Variants in NBEA observed in about 807,000 individuals in gnomAD.
NBEA encodes the protein neurobeachin.
In NBEA, 44 loss-of-function variants were observed where a neutral mutation model predicts 343.4. That is an observed-to-expected ratio of 0.13 (90% CI 0.10 to 0.16). The LOEUF is 0.16. NBEA is among the 10% of genes least tolerant of loss of function. The pLI is 1.00. For synonymous variants in NBEA, 1,175 were observed against 1,238.7 expected (o/e 0.95, Z 1.08); for missense variants, 2,555 against 3,631.3 (o/e 0.70, Z 7.62).
chr13:35,273,022 C>T (rs2034289413), intron 34 of NBEA, among the ~76,000 whole-genome samples: 1 of 152,156 alleles, frequency 6.6e-6, no homozygotes, highest in Non-Finnish European at 1.5e-5. Flanking sequence ...AGCTACAGAA[C>T]TCTCCACCCC....
intron 45 of NBEA, among the ~76,000 whole-genome samples, chr13:35,579,319 A>G (rs1233798411): frequency 6.6e-6 from 1 of 152,036 alleles, no homozygotes; most frequent in Non-Finnish European, 1.5e-5. Context: ...TCAGACTTTT[A>G]TGTTCTCTAA....
intron 30 of NBEA, among the ~76,000 whole-genome samples, chr13:35,186,190 G>C (rs563499238): frequency 3.9e-5 from 6 of 152,216 alleles, no homozygotes; most frequent in Admixed American, 3.3e-4. Flanking sequence ...TGTAGTCCCA[G>C]CTACTCAGGA....
At chr13:35,471,929 C>T (rs915434629) in intron 40 of NBEA, among the ~76,000 whole-genome samples, 3 of 152,238 alleles carry the variant, frequency 2.0e-5, no homozygotes, top group African/African-American at 7.2e-5. Context: ...CGGAATTTAT[C>T]ATTTAGATCC....
At chr13:35,087,520 C>T (rs1021062409) in intron 10 of NBEA, among the ~76,000 whole-genome samples, 48 of 151,634 alleles carry the variant, frequency 3.2e-4, no homozygotes, top group African/African-American at 8.5e-4. Context: ...ATAATAGTTA[C>T]GGCAGAAGGA....
chr13:34,996,723 A>G (rs973108170), intron 1 of NBEA, among the ~76,000 whole-genome samples: 2 of 152,064 alleles, frequency 1.3e-5, no homozygotes, highest in Non-Finnish European at 2.9e-5. Flanking sequence ...TGAGTTGTAC[A>G]TTACCAGATT....
At chr13:35,309,866 G>C (rs2037237395) in intron 36 of NBEA, among the ~76,000 whole-genome samples, 1 of 152,144 alleles carries the variant, frequency 6.6e-6, no homozygotes, top group Admixed American at 6.6e-5. Context: ...GTTTTACACA[G>C]ATCAAGTGAA....
rs113544393 is a variant in NBEA, at chr13:35,034,594, A to G, written c.295-6339A>G. 8.8e-3 allele frequency among the ~76,000 whole-genome samples: 1,329 copies of G among 151,662 alleles called. 22 individuals are homozygous for G. The highest frequency in any genetic ancestry group is 0.03 in the African/African-American group (1,249 of 41,444). On this transcript the variant is annotated intron_variant, in intron 1 of 58. Transcript: ENST00000379939. ...ATTTGGAAGTATGCCCTTCTCCTCTATTTTTCAGAATAGTTTGAGTAGGAT... is the reference window on the plus strand; with the variant it reads ...ATTTGGAAGTATGCCCTTCTCCTCTGTTTTTCAGAATAGTTTGAGTAGGAT...
intron 40 of NBEA, among the ~76,000 whole-genome samples, chr13:35,457,869 A>T (rs1344008405): frequency 6.6e-6 from 1 of 151,208 alleles, no homozygotes; most frequent in Non-Finnish European, 1.5e-5. Context: ...GGCTTCCCAA[A>T]GTGCTGGGAT....
intron 55 of NBEA, among the ~76,000 whole-genome samples, chr13:35,655,982 C>A (rs1444656162): frequency 1.3e-5 from 2 of 152,128 alleles, no homozygotes; most frequent in Admixed American, 1.3e-4. Flanking sequence ...CCTACCCAGA[C>A]CCTCTGCTCA....
chr13:35,126,536 A>G (rs1467404235), intron 17 of NBEA, among the ~76,000 whole-genome samples: 1 of 151,912 alleles, frequency 6.6e-6, no homozygotes, highest in Non-Finnish European at 1.5e-5. Flanking sequence ...GATAAAACTG[A>G]AAAAAAAGCA....
At chr13:35,407,459 A>T (rs1373063768) in intron 38 of NBEA, among the ~76,000 whole-genome samples, 1 of 151,964 alleles carries the variant, frequency 6.6e-6, no homozygotes, top group Admixed American at 6.6e-5. Context: ...AGCCCAGATT[A>T]AAGAATCAAA....
In NBEA at chr13:34,953,269, A is replaced by G. The variant is rs979702815; in HGVS notation, c.294+10155A>G. Among the ~76,000 whole-genome samples, 3 of 152,198 alleles carry G rather than the reference A, an allele frequency of 2.0e-5. No individual in the cohort carries two copies. The East Asian group carries it at 5.8e-4, about 29-fold the overall frequency. ...GATACTTGATTATAAAATGTCATAG[A>G]ATTATTTCACTTAATTTATACTAAT... is the stretch of plus-strand genomic sequence containing the variant. On this transcript the variant is annotated intron_variant, in intron 1 of 58. Coordinates refer to ENST00000379939, the MANE Select transcript of NBEA (RefSeq NM_001385012.1).
chr13:35,396,617 GT>G (rs1465395649), intron 38 of NBEA, among the ~76,000 whole-genome samples: 1 of 152,090 alleles, frequency 6.6e-6, no homozygotes, highest in Admixed American at 6.6e-5. Context: ...AGGGACTGCA[GT>G]TGAACTCAAT....
chr13:35,398,947 C>T (rs2042873624), intron 38 of NBEA, among the ~76,000 whole-genome samples: 1 of 152,166 alleles, frequency 6.6e-6, no homozygotes, highest in African/African-American at 2.4e-5. Context: ...GTTTCATCTA[C>T]ATTGAAAATC....
rs988859280 is a variant in NBEA at position 35,232,079 on chromosome 13, G to T, written c.5649-413G>T. On this transcript the variant is annotated intron_variant, in intron 33 of 58. Transcript: ENST00000379939. ...TTTCAGTTATTCCCTTATTTGTCCA[G>T]ATTTCAGGTAATACCTCCTTGAGAG... Among the ~76,000 whole-genome samples the T allele has an allele frequency of 2.0e-5, 3 of 152,230 alleles. No individual in the cohort carries two copies. The East Asian group carries it at 5.8e-4, about 29-fold the overall frequency.
intron 38 of NBEA, among the ~76,000 whole-genome samples, chr13:35,424,758 G>A (rs552387246): frequency 1.3e-5 from 2 of 152,086 alleles, no homozygotes; most frequent in Non-Finnish European, 2.9e-5. Context: ...GGTAGAATTC[G>A]GCTGTGAATC....
chr13:35,620,466 G>A (rs1190067094), intron 48 of NBEA, among the ~76,000 whole-genome samples: 1 of 152,166 alleles, frequency 6.6e-6, no homozygotes, highest in Non-Finnish European at 1.5e-5. Flanking sequence ...AGGCCAGTGG[G>A]CCAGGAAAGG....
chr13:35,456,838 G>A (rs1216461538), intron 40 of NBEA, among the ~76,000 whole-genome samples: 1 of 151,798 alleles, frequency 6.6e-6, no homozygotes, highest in Non-Finnish European at 1.5e-5. Context: ...CCAAAAGTTA[G>A]TAATTTTACT....
chr13:35,463,419 T>G (rs12868636), intron 40 of NBEA, among the ~76,000 whole-genome samples: 1 of 152,032 alleles, frequency 6.6e-6, no homozygotes, highest in South Asian at 2.1e-4. Flanking sequence ...GCTCAGGAGT[T>G]CGAGATCAGC....
Sources: allele counts gnomAD v4.1 joint callset (sites outside exome capture counted in the v4.1 genomes callset), GRCh38; gene constraint gnomAD v4.1.1; transcripts MANE v1.5; gene names NCBI Gene and HGNC (gene_info 2026-07-23, HGNC 2026-07-21).